The following DOCK3 variants were observed in gnomAD, a reference collection of about 807,000 sequenced individuals.
DOCK3 encodes dedicator of cytokinesis 3, also known as dedicator of cytokinesis protein 3.
In DOCK3, 60 loss-of-function variants were observed where a neutral mutation model predicts 265.6. The observed-to-expected ratio is 0.23, with a 90% CI of 0.18 to 0.28. The LOEUF (loss-of-function observed/expected upper bound fraction) is 0.28. Ranked by LOEUF, DOCK3 falls within the 10% of genes least tolerant of loss-of-function variation. DOCK3 has a pLI of 1.00. For synonymous variants in DOCK3, 881 were observed against 938.0 expected (o/e 0.94, Z 1.11); for missense variants, 1,981 against 2,594.3 (o/e 0.76, Z 5.14).
intron 4 of DOCK3, among the ~76,000 whole-genome samples, chr3:50,929,332 T>C (rs2050936035): frequency 6.6e-6 from 1 of 152,134 alleles, no homozygotes; most frequent in Non-Finnish European, 1.5e-5. Context: ...ACAGTGACAC[T>C]GGGGCTGTGG....
At chr3:51,193,340 G>A (rs1031769726) in intron 12 of DOCK3, among the ~76,000 whole-genome samples, 1 of 152,134 alleles carries the variant, frequency 6.6e-6, no homozygotes. Flanking sequence ...TAGGATGTTA[G>A]CATCTGTGTT....
chr3:51,166,423 C>T (rs982234146), intron 12 of DOCK3, among the ~76,000 whole-genome samples: 2 of 152,116 alleles, frequency 1.3e-5, no homozygotes, highest in African/African-American at 4.8e-5. Flanking sequence ...TATAATACTG[C>T]AATAAACCTG....
intron 14 of DOCK3, among the ~76,000 whole-genome samples, chr3:51,219,721 G>C (rs1287421426): frequency 2.6e-5 from 4 of 152,216 alleles, no homozygotes; most frequent in African/African-American, 9.6e-5. Context: ...AACCAACAGA[G>C]ATATGGTTTT....
At chr3:51,179,406 T>C (rs1465691670) in intron 12 of DOCK3, among the ~76,000 whole-genome samples, 1 of 152,228 alleles carries the variant, frequency 6.6e-6, no homozygotes, top group Non-Finnish European at 1.5e-5. Context: ...AAGAATGTTA[T>C]TCATTGCCAT....
intron 1 of DOCK3, among the ~76,000 whole-genome samples, chr3:50,761,221 T>C (rs148179194): frequency 0.015 from 2,349 of 152,338 alleles, 26 homozygotes; most frequent in South Asian, 0.028. Flanking sequence ...CTAAATTCCT[T>C]AGCATAATAA....
At chr3:51,342,557 G>A (rs1480112387) in intron 38 of DOCK3, among the ~76,000 whole-genome samples, 1 of 152,212 alleles carries the variant, frequency 6.6e-6, no homozygotes, top group East Asian at 1.9e-4. Context: ...CACAGGGAAT[G>A]ACATAAGCGT....
At chr3:50,877,671 TTTTC>T in intron 3 of DOCK3, 2 of 372,480 alleles carry the variant, frequency 5.4e-6, no homozygotes, top group East Asian at 7.5e-5. Flanking sequence ...TTTTCTTTTC[TTTTC>T]TTTTCTTTTT....
intron 31 of DOCK3, 135 bp from the exon 32 acceptor site, chr3:51,314,845 G>C (rs2083281455): frequency 1.8e-6 from 2 of 1,112,702 alleles, no homozygotes; most frequent in African/African-American, 3.3e-5. Context: ...GAGTACCTCA[G>C]AAAACCATAG....
intron 13 of DOCK3, among the ~76,000 whole-genome samples, chr3:51,213,843 T>G (rs2089637711): frequency 6.6e-6 from 1 of 152,176 alleles, no homozygotes; most frequent in Non-Finnish European, 1.5e-5. Context: ...TGGACCCTAG[T>G]TGGACGCTGG....
At chr3:50,985,645 A>G (rs1035757766) in intron 5 of DOCK3, among the ~76,000 whole-genome samples, 3 of 152,252 alleles carry the variant, frequency 2.0e-5, no homozygotes, top group African/African-American at 7.2e-5. Context: ...CAAAAAATAT[A>G]TATACTGAGC....
At chr3:51,074,123 G>A (rs1026385940) in intron 6 of DOCK3, among the ~76,000 whole-genome samples, 2 of 152,154 alleles carry the variant, frequency 1.3e-5, no homozygotes, top group East Asian at 1.9e-4. Context: ...TAATCCCATG[G>A]AATGCTTTTG....
rs754824422 is a variant in DOCK3 at position 51,375,707 on chromosome 3, G to C, written c.5413-41G>C. 8 of 1,609,306 alleles carry C rather than the reference G, an allele frequency of 5.0e-6. No individual in the cohort carries two copies. In the Admixed American group the frequency reaches 1.3e-4, roughly 27 times the overall value. On this transcript the variant is annotated intron_variant, in intron 50 of 52. Transcript: ENST00000266037. Reference sequence around the variant, plus strand: ...CAACACTGCCTCCCAAGATATAATTGGTTGTTTTCACTCTCTGTAATGTTT... The same window carrying C: ...CAACACTGCCTCCCAAGATATAATTCGTTGTTTTCACTCTCTGTAATGTTT...
intron 22 of DOCK3, among the ~76,000 whole-genome samples, chr3:51,253,560 C>G (rs2079380010): frequency 1.3e-5 from 2 of 152,078 alleles, no homozygotes; most frequent in Admixed American, 6.6e-5. Flanking sequence ...TTGGTCTATT[C>G]AGGGATTCAA....
intron 35 of DOCK3, among the ~76,000 whole-genome samples, chr3:51,334,178 C>G (rs758305671): frequency 2.0e-5 from 3 of 152,190 alleles, no homozygotes; most frequent in Non-Finnish European, 2.9e-5. Flanking sequence ...AGTCTGCCTT[C>G]TCAGTTGTAT....
chr3:50,739,581 T>G (rs1164289293), intron 1 of DOCK3, among the ~76,000 whole-genome samples: 2 of 152,192 alleles, frequency 1.3e-5, no homozygotes, highest in African/African-American at 4.8e-5. Context: ...TTTATATCTT[T>G]TGTTCTCTGG....
At chr3:51,331,129 G>A (rs929285873) in intron 33 of DOCK3, among the ~76,000 whole-genome samples, 1 of 152,202 alleles carries the variant, frequency 6.6e-6, no homozygotes, top group African/African-American at 2.4e-5. Context: ...TGGGCTCAGG[G>A]AAGTGCCAGC....
intron 1 of DOCK3, among the ~76,000 whole-genome samples, chr3:50,761,926 A>G (rs904452088): frequency 1.3e-5 from 2 of 152,236 alleles, no homozygotes; most frequent in African/African-American, 4.8e-5. Flanking sequence ...CTATGCTGCC[A>G]TAAGAAAGGA....
At chr3:50,681,298 C>T (rs1298071481) in intron 1 of DOCK3, among the ~76,000 whole-genome samples, 1 of 152,130 alleles carries the variant, frequency 6.6e-6, no homozygotes, top group East Asian at 1.9e-4. Flanking sequence ...AGTACTTTAA[C>T]CTTCATAGCA....
At chr3:51,280,692 G>A (rs2081061601) in intron 27 of DOCK3, among the ~76,000 whole-genome samples, 1 of 151,970 alleles carries the variant, frequency 6.6e-6, no homozygotes, top group South Asian at 2.1e-4. Flanking sequence ...GAGCACTGAG[G>A]GTCTTATTTT....
Sources: gnomAD v4.1 joint callset for allele counts (sites outside exome capture counted in the v4.1 genomes callset) on GRCh38, gnomAD v4.1.1 for gene constraint, MANE v1.5 for transcripts, NCBI Gene and HGNC (gene_info 2026-07-23, HGNC 2026-07-21) for gene names.